Variants in PPARA observed in about 807,000 individuals in gnomAD.
PPARA encodes the protein peroxisome proliferator activated receptor alpha.
PPARA carries 22 observed loss-of-function variants against 42.2 expected under a neutral mutation model. That is an observed-to-expected ratio of 0.52 (90% confidence interval 0.37 to 0.74). The LOEUF (loss-of-function observed/expected upper bound fraction) is 0.74. PPARA is among the 30% of genes least tolerant of loss of function. The pLI, the probability that PPARA is intolerant of heterozygous loss-of-function variation, is 0.00. For synonymous variants in PPARA, 242 were observed against 239.3 expected (o/e 1.01, Z -0.10); for missense variants, 465 against 608.2 (o/e 0.76, Z 2.48).
intron 2 of PPARA, among the ~76,000 whole-genome samples, chr22:46,175,428 C>T (rs751407499): frequency 4.6e-5 from 7 of 151,948 alleles, no homozygotes; most frequent in Non-Finnish European, 1.0e-4. Context: ...ATGAATGTCA[C>T]ATAGGCCGGG....
At chr22:46,210,632 C>T (rs544719122) in intron 4 of PPARA, among the ~76,000 whole-genome samples, 6 of 151,942 alleles carry the variant, frequency 3.9e-5, no homozygotes, top group South Asian at 2.1e-4. Flanking sequence ...TTAGCAGAGA[C>T]GGGGTTTCAC....
rs373861272 is a variant in PPARA at position 46,233,646 on chromosome 22, T to C, written c.1159+1407T>C. 6.6e-6 allele frequency among the ~76,000 whole-genome samples: 1 copy of C among 152,308 alleles called. No homozygotes were observed. The highest frequency in any genetic ancestry group is 2.1e-4 in the South Asian group (1 of 4,824). On this transcript the variant is annotated intron_variant, in intron 8 of 8. Transcript: ENST00000407236. The surrounding 1 kb of genome is among the most constrained non-coding windows in gnomAD (Gnocchi z 7.3). ...CCTTTAGTATGGTCAGGATGTAGCA[T>C]TGTGGGTAAAATGCAGTTGCAGAAC...
At chr22:46,229,708 CTT>C (rs1383226231) in intron 7 of PPARA, among the ~76,000 whole-genome samples, 1 of 152,152 alleles carries the variant, frequency 6.6e-6, no homozygotes, top group East Asian at 1.9e-4. Context: ...CATTTTCAGT[CTT>C]TATTAATCGG....
chr22:46,169,192 A>G (rs930310038), intron 2 of PPARA, among the ~76,000 whole-genome samples: 2 of 152,028 alleles, frequency 1.3e-5, no homozygotes, highest in Non-Finnish European at 2.9e-5. Context: ...TTCAGTTAGC[A>G]ATAATATGTC....
rs1926181419 is a variant in PPARA, at chr22:46,161,576, C to A, written c.-127+9606C>A. Among the ~76,000 whole-genome samples, 1 of 151,974 alleles carries A rather than the reference C, an allele frequency of 6.6e-6. No individual in the cohort carries two copies. The highest frequency in any genetic ancestry group is 1.5e-5 in the Non-Finnish European group (1 of 68,006). ...ACTCCAGCCTGGCAACAGCGAGACT[C>A]CATCTCAAAAATAATAAGTAAATAA... On this transcript the variant is annotated intron_variant, in intron 2 of 8. Transcript: ENST00000407236. This position sits in a 1 kb window ranked among gnomAD's most constrained non-coding sequence, Gnocchi z 4.8.
chr22:46,179,735 C>G (rs1929683517), intron 3 of PPARA, among the ~76,000 whole-genome samples: 1 of 151,262 alleles, frequency 6.6e-6, no homozygotes, highest in South Asian at 2.1e-4. Context: ...CAAAATGAAA[C>G]TTTTACTGTT....
chr22:46,215,579 A>G (rs1934403442), intron 5 of PPARA, among the ~76,000 whole-genome samples: 1 of 151,976 alleles, frequency 6.6e-6, no homozygotes, highest in Admixed American at 6.6e-5. Flanking sequence ...CTCTACTAAA[A>G]ATACCAAAAA....
At chr22:46,213,843 C>T (rs1397475992) in intron 4 of PPARA, among the ~76,000 whole-genome samples, 2 of 152,210 alleles carry the variant, frequency 1.3e-5, no homozygotes, top group Middle Eastern at 3.2e-3. Context: ...CTTGCTCCGG[C>T]CTCCCAAAGT....
Position 46,187,648 on chromosome 22 carries a change from C to G in PPARA, c.-42-10694C>G, listed in dbSNP as rs1930999011. Among the ~76,000 whole-genome samples the G allele has an allele frequency of 6.6e-6, 1 of 152,212 alleles. No individual in the cohort carries two copies. Among genetic ancestry groups the G allele is most frequent in the African/African-American group, 2.4e-5 (1 of 41,454 alleles). ...GTCACACTTCCCTTCAATAGTCTTC[C>G]ATGGCTCCTTATTGTTTTAGGATGA... On this transcript the variant is annotated intron_variant, in intron 3 of 8. Transcript: ENST00000407236. This position sits in a 1 kb window ranked among gnomAD's most constrained non-coding sequence, Gnocchi z 4.9.
chr22:46,181,106 A>G (rs749742235), intron 3 of PPARA, among the ~76,000 whole-genome samples: 1 of 152,194 alleles, frequency 6.6e-6, no homozygotes, highest in East Asian at 1.9e-4. Flanking sequence ...TCACTGATTC[A>G]GATGAAACTT....
intron 4 of PPARA, among the ~76,000 whole-genome samples, chr22:46,198,905 C>A (rs894893086): frequency 5.9e-5 from 9 of 152,108 alleles, no homozygotes; most frequent in South Asian, 2.1e-4. Context: ...ATGATCTGCC[C>A]GCCTCGGCCT....
Position 46,211,322 on chromosome 22 carries a change from A to G in PPARA, c.209-3851A>G, listed in dbSNP as rs6008116. 0.018 allele frequency among the ~76,000 whole-genome samples: 2,773 copies of G among 152,206 alleles called. 87 individuals carry two copies. Among genetic ancestry groups the G allele is most frequent in the African/African-American group, 0.064 (2,640 of 41,504 alleles). ...TTCCTTGAGTTCATGGTTCATTTTC[A>G]GTATACCTGCACAGTGGTATCAGAA... On this transcript the variant is annotated intron_variant, in intron 4 of 8. Transcript: ENST00000407236. The surrounding 1 kb of genome is among the most constrained non-coding windows in gnomAD (Gnocchi z 4.1).
chr22:46,213,656 C>G (rs1388595723), intron 4 of PPARA, among the ~76,000 whole-genome samples: 2 of 151,236 alleles, frequency 1.3e-5, no homozygotes, highest in Non-Finnish European at 2.9e-5. Flanking sequence ...TTGGTGCGAT[C>G]TTGGCTCACT....
chr22:46,153,185 T>G (rs928362601), intron 2 of PPARA, among the ~76,000 whole-genome samples: 2 of 147,984 alleles, frequency 1.4e-5, no homozygotes, highest in Admixed American at 6.6e-5. Context: ...TTTTTTTTTT[T>G]TGTGACAGAG....
intron 7 of PPARA, among the ~76,000 whole-genome samples, chr22:46,228,649 C>T (rs906597156): frequency 6.6e-6 from 1 of 152,222 alleles, no homozygotes; most frequent in Non-Finnish European, 1.5e-5. Context: ...CAATAAATAA[C>T]ACCAAGCATT....
intron 4 of PPARA, among the ~76,000 whole-genome samples, chr22:46,210,059 A>T (rs990052581): frequency 2.0e-5 from 3 of 151,934 alleles, no homozygotes; most frequent in East Asian, 2.0e-4. Flanking sequence ...ATAACTTTTT[A>T]AAAATGTCTT....
chr22:46,151,664 T>C (rs1291325058), intron 1 of PPARA, among the ~76,000 whole-genome samples: 2 of 152,190 alleles, frequency 1.3e-5, no homozygotes, highest in Admixed American at 6.5e-5. Context: ...AGCCGACCCC[T>C]GCCAGGAAAC....
In PPARA at chr22:46,220,178, A is replaced by T. The variant is rs184910667; in HGVS notation, c.711+164A>T. 2.9e-4 allele frequency: 250 copies of T among 849,020 alleles called. No homozygotes were observed. The East Asian group carries it at 6.4e-3, about 22-fold the overall frequency. The allele number at this position is 849,020 out of a possible 1,614,324, so 52.6% of individuals were successfully genotyped here. ...AGTTCATTCTGAGACTCTGAGCTGT[A>T]GCTTAACAACAACTCCTTTCTTCTT... On this transcript the variant is annotated intron_variant, in intron 7 of 8. Transcript: ENST00000407236.
chr22:46,231,688 T>C lies in PPARA; in HGVS notation c.712-104T>C, dbSNP rs987517832. On this transcript the variant is annotated intron_variant, in intron 7 of 8. Coordinates refer to ENST00000407236, the MANE Select transcript of PPARA (RefSeq NM_005036.6). This position sits in a 1 kb window ranked among gnomAD's most constrained non-coding sequence, Gnocchi z 7.7. ...GGGTATCTTGAGTCCTCTGAGGCAC[T>C]GAGCTTGGTGATTTGGACGCAGGAG... is the stretch of plus-strand genomic sequence containing the variant. 7 of 1,224,284 alleles carry C rather than the reference T, an allele frequency of 5.7e-6. No individual in the cohort carries two copies. The African/African-American group carries it at 1.1e-4, about 18-fold the overall frequency. 75.8% of individuals were successfully genotyped at this position (1,224,284 alleles called of 1,614,324 possible). A position where few individuals can be genotyped will look rare whatever the true frequency, so the allele number is the denominator to read the frequency against.
Sources: gnomAD v4.1 joint callset for allele counts (sites outside exome capture counted in the v4.1 genomes callset) on GRCh38, gnomAD v4.1.1 for gene constraint, Gnocchi (gnomAD v3.1) non-coding constraint, MANE v1.5 for transcripts, NCBI Gene and HGNC (gene_info 2026-07-23, HGNC 2026-07-21) for gene names.